MEP1B: variants seen among roughly 807,000 people sequenced by gnomAD.
MEP1B encodes N-benzoyl-L-tyrosyl-P-amino-benzoic acid hydrolase subunit beta.
In MEP1B, 80 loss-of-function variants were observed where a neutral mutation model predicts 84.6. The ratio of observed to expected loss-of-function variants is 0.95; its 90% confidence interval spans 0.79 to 1.14. The LOEUF (loss-of-function observed/expected upper bound fraction) is 1.14, where lower values mean the gene tolerates loss of function less well. MEP1B is among the 50% of genes most tolerant of loss of function. The probability of loss-of-function intolerance (pLI) is 0.00; values close to 1 mark genes in which losing one functional copy is unlikely to be tolerated. For missense variants in MEP1B, 766 were observed against 855.1 expected, an observed-to-expected ratio of 0.90 and a Z score of 1.30; for synonymous variants, 273 against 288.1, an observed-to-expected ratio of 0.95 and a Z score of 0.53.
intron 12 of MEP1B, 27 bp downstream of exon 12, chr18:32,215,288 A>C: frequency 2.0e-6 from 3 of 1,471,106 alleles, no homozygotes; most frequent in Non-Finnish European, 2.7e-6. Flanking sequence ...AGTTTTATAT[A>C]AACTAGTTTT....
intron 9 of MEP1B, among the ~76,000 whole-genome samples, chr18:32,208,947 A>G (rs2040994010): frequency 6.6e-6 from 1 of 152,130 alleles, no homozygotes; most frequent in African/African-American, 2.4e-5. Context: ...TTAAATGCAT[A>G]TTTGGATAGT....
intron 8 of MEP1B, among the ~76,000 whole-genome samples, chr18:32,207,886 T>A (rs1011162647): frequency 4.6e-5 from 7 of 152,052 alleles, no homozygotes; most frequent in African/African-American, 7.3e-5. Context: ...AATTAGAAAA[T>A]TTTTTTTAAA....
In MEP1B at chr18:32,218,016, T is replaced by C. The variant is rs543740558; in HGVS notation, c.2091+51T>C. 193 of 1,561,974 alleles carry C rather than the reference T, an allele frequency of 1.2e-4. No individual in the cohort carries two copies. The Admixed American group carries it at 1.4e-3, about 11-fold the overall frequency. On this transcript the variant is annotated intron_variant, in intron 14 of 14. Coordinates refer to ENST00000269202, the MANE Select transcript of MEP1B (RefSeq NM_005925.3). ...TTCATAACCTATTGGTGAAATCTTA[T>C]GGAGAGGAACTAGGACATTTTTTAT...
chr18:32,204,180 A>C lies in MEP1B; in HGVS notation c.369-2A>C, dbSNP rs781767582. On this transcript the variant is annotated splice_acceptor_variant, in intron 6 of 14. Transcript: ENST00000269202. LOFTEE classifies it high-confidence loss of function. ...CCCCTTTCTTGTAAACTCTCCTGTA[A>C]GCTGCTGGTCTTCAGTAGGAAATAG... The C allele has an allele frequency of 6.2e-6, 10 of 1,603,682 alleles. No homozygotes were observed. The highest frequency in any genetic ancestry group is 8.5e-6 in the Non-Finnish European group (10 of 1,175,112).
Position 32,196,767 on chromosome 18 carries a change from TC to T in MEP1B, c.250+1284del. 1 of 660,306 alleles carries T rather than the reference TC, an allele frequency of 1.5e-6. No individual in the cohort carries two copies. Among genetic ancestry groups the T allele is most frequent in the Non-Finnish European group, 2.8e-6 (1 of 363,278 alleles). 40.9% of individuals were successfully genotyped at this position (660,306 alleles called of 1,614,324 possible). A position where few individuals can be genotyped will look rare whatever the true frequency, so the allele number is the denominator to read the frequency against. On this transcript the variant is annotated intron_variant, in intron 5 of 14. Coordinates refer to ENST00000269202, the MANE Select transcript of MEP1B (RefSeq NM_005925.3). The surrounding 1 kb of genome is among the most constrained non-coding windows in gnomAD (Gnocchi z 4.4). ...GCAGTGCAGGGCCAGGTGCATGTTT[TC>T]CTGGATGGTGTTGGGGTGCTCGATG...
intron 1 of MEP1B, among the ~76,000 whole-genome samples, chr18:32,190,627 G>A (rs2144368655): frequency 6.6e-6 from 1 of 152,214 alleles, no homozygotes; most frequent in South Asian, 2.1e-4. Flanking sequence ...TTTAAATGAA[G>A]TTTCAAATGG....
intron 14 of MEP1B, 30 bp downstream of exon 14, chr18:32,217,995 T>C (rs680321): frequency 0.46 from 739,886 of 1,601,680 alleles, 176,174 homozygotes; most frequent in African/African-American, 0.76. Context: ...TGATTATTCA[T>C]AACCTATTGG....
At chr18:32,203,240 A>C in intron 6 of MEP1B, 1 of 413,868 alleles carries the variant, frequency 2.4e-6, no homozygotes, top group Non-Finnish European at 4.3e-6. Context: ...ATTGCATGCC[A>C]TCAGACCCAC....
chr18:32,213,636 T>C, intron 11 of MEP1B, 77 bp downstream of exon 11: 1 of 1,124,092 alleles, frequency 8.9e-7, no homozygotes, highest in Non-Finnish European at 1.3e-6. Context: ...GAATGAGGGA[T>C]TGCACAGTTA....
At chr18:32,216,592 G>A (rs2041091832) in intron 12 of MEP1B, among the ~76,000 whole-genome samples, 1 of 152,214 alleles carries the variant, frequency 6.6e-6, no homozygotes, top group South Asian at 2.1e-4. Context: ...CCAGAATCCA[G>A]GCCAGCATGT....
Position 32,196,864 on chromosome 18 carries a change from T to C in MEP1B, c.250+1379T>C. On this transcript the variant is annotated intron_variant, in intron 5 of 14. Coordinates refer to ENST00000269202, the MANE Select transcript of MEP1B (RefSeq NM_005925.3). The surrounding 1 kb of genome is among the most constrained non-coding windows in gnomAD (Gnocchi z 4.4). ...AGGGCCTCTGCGTACTTGCCCATGA[T>C]GTAGTGGAGGCGGGCAAGGAGGCGC... 4 of 514,904 alleles carry C rather than the reference T, an allele frequency of 7.8e-6. No individual in the cohort carries two copies. The South Asian group carries it at 8.0e-5, about 10-fold the overall frequency. 31.9% of individuals were successfully genotyped at this position (514,904 alleles called of 1,614,324 possible).
At chr18:32,202,386 G>C (rs2040920925) in intron 5 of MEP1B, among the ~76,000 whole-genome samples, 1 of 152,080 alleles carries the variant, frequency 6.6e-6, no homozygotes, top group Non-Finnish European at 1.5e-5. Context: ...GAACTCACTT[G>C]CAGACCTCAT....
intron 2 of MEP1B, among the ~76,000 whole-genome samples, chr18:32,192,244 T>C (rs1296992107): frequency 6.6e-6 from 1 of 152,140 alleles, no homozygotes; most frequent in Admixed American, 6.5e-5. Context: ...GAATTTTGCT[T>C]GAAAGTTCCA....
chr18:32,191,650 T>C (rs977904848), intron 1 of MEP1B, among the ~76,000 whole-genome samples, 172 bp from the exon 2 acceptor site: 1 of 151,984 alleles, frequency 6.6e-6, no homozygotes, highest in African/African-American at 2.4e-5. Context: ...GACCCTTTGG[T>C]CAAAAAGTCA....
intron 7 of MEP1B, among the ~76,000 whole-genome samples, chr18:32,206,780 T>C (rs2040969921): frequency 6.6e-6 from 1 of 151,918 alleles, no homozygotes; most frequent in Admixed American, 6.6e-5. Flanking sequence ...ATGGACTGAT[T>C]TTTGTATTTT....
chr18:32,203,119 T>A (rs1244566296), intron 6 of MEP1B, 109 bp downstream of exon 6: 1 of 600,632 alleles, frequency 1.7e-6, no homozygotes, highest in Non-Finnish European at 2.9e-6. Context: ...GGGTGGGGAC[T>A]TTCTTGCTAG....
intron 1 of MEP1B, 84 bp from the exon 2 acceptor site, chr18:32,191,738 C>A (rs1242254185): frequency 7.2e-6 from 6 of 832,042 alleles, no homozygotes; most frequent in Admixed American, 2.7e-5. Flanking sequence ...AAACAAACAA[C>A]AAATGGTTAG....
chr18:32,196,863 A>T lies in MEP1B; in HGVS notation c.250+1378A>T. On this transcript the variant is annotated intron_variant, in intron 5 of 14. Transcript: ENST00000269202. The surrounding 1 kb of genome is among the most constrained non-coding windows in gnomAD (Gnocchi z 4.4). Reference sequence around the variant, plus strand: ...CAGGGCCTCTGCGTACTTGCCCATGATGTAGTGGAGGCGGGCAAGGAGGCG... The same window carrying T: ...CAGGGCCTCTGCGTACTTGCCCATGTTGTAGTGGAGGCGGGCAAGGAGGCG... The T allele has an allele frequency of 1.9e-6, 1 of 517,338 alleles. No homozygotes were observed. The highest frequency in any genetic ancestry group is 4.0e-5 in the East Asian group (1 of 24,726). The allele number at this position is 517,338 out of a possible 1,614,324, so 32.0% of individuals were successfully genotyped here.
chr18:32,215,920 A>T (rs1031176747), intron 12 of MEP1B, among the ~76,000 whole-genome samples: 1 of 151,430 alleles, frequency 6.6e-6, no homozygotes, highest in Non-Finnish European at 1.5e-5. Flanking sequence ...ATGACTGGAA[A>T]CGTCTGCATC....
Sources: allele counts gnomAD v4.1 joint callset (sites outside exome capture counted in the v4.1 genomes callset), GRCh38; gene constraint gnomAD v4.1.1; non-coding constraint Gnocchi (gnomAD v3.1); transcripts MANE v1.5; gene names NCBI Gene and HGNC (gene_info 2026-07-23, HGNC 2026-07-21).